PALM2AKAP2: variants seen among roughly 807,000 people sequenced by gnomAD.
PALM2AKAP2 encodes the protein PALM2-AKAP2 fusion protein.
PALM2AKAP2 carries 37 observed loss-of-function variants against 71.5 expected under a neutral mutation model. That is an observed-to-expected ratio of 0.52 (90% CI 0.40 to 0.68). The LOEUF is 0.68. Ranked by LOEUF, PALM2AKAP2 falls within the 30% of genes least tolerant of loss-of-function variation. PALM2AKAP2 has a pLI of 0.00. For synonymous variants in PALM2AKAP2, 468 were observed against 478.8 expected, an observed-to-expected ratio of 0.98 and a Z score of 0.29; for missense variants, 1,224 against 1,191.8, an observed-to-expected ratio of 1.03 and a Z score of -0.40.
intron 1 of PALM2AKAP2, among the ~76,000 whole-genome samples, chr9:110,080,182 C>T (rs1054029069): frequency 5.3e-5 from 8 of 151,870 alleles, no homozygotes; most frequent in East Asian, 1.9e-4. Context: ...AGCTACTACA[C>T]GCTAGGCATA....
chr9:109,835,515 C>A (rs1025943149), intron 1 of PALM2AKAP2, among the ~76,000 whole-genome samples: 13 of 152,046 alleles, frequency 8.6e-5, no homozygotes, highest in Non-Finnish European at 1.8e-4. Context: ...CTCATTGGGG[C>A]TTGTCGGACA....
At chr9:109,675,982 C>T (rs1230548971) in intron 1 of PALM2AKAP2, among the ~76,000 whole-genome samples, 1 of 152,100 alleles carries the variant, frequency 6.6e-6, no homozygotes, top group East Asian at 1.9e-4. Context: ...AATAAAATAT[C>T]GAAAGATACC....
chr9:109,807,015 T>TGGTAATTCAG (rs1349022928), intron 1 of PALM2AKAP2, among the ~76,000 whole-genome samples: 1 of 152,060 alleles, frequency 6.6e-6, no homozygotes, highest in Non-Finnish European at 1.5e-5. Context: ...GAGGATATTG[T>TGGTAATTCAG]GGTAATTCAG....
chr9:109,925,494 T>C (rs1038739138), intron 5 of PALM2AKAP2, among the ~76,000 whole-genome samples: 8 of 152,124 alleles, frequency 5.3e-5, no homozygotes, highest in Non-Finnish European at 5.9e-5. Flanking sequence ...GGGGAAAATA[T>C]TTGGTGTTTG....
At chr9:109,692,024 G>T (rs1827904830) in intron 1 of PALM2AKAP2, among the ~76,000 whole-genome samples, 1 of 144,982 alleles carries the variant, frequency 6.9e-6, no homozygotes, top group Non-Finnish European at 1.5e-5. Flanking sequence ...TTAATGTGCA[G>T]GTTTGATATA....
intron 2 of PALM2AKAP2, among the ~76,000 whole-genome samples, chr9:110,139,834 T>C (rs1175012359): frequency 6.6e-6 from 1 of 152,214 alleles, no homozygotes; most frequent in Non-Finnish European, 1.5e-5. Flanking sequence ...GACTGCTCCC[T>C]AATGTGGGTC....
At chr9:109,885,974 A>G (rs527470978) in intron 3 of PALM2AKAP2, among the ~76,000 whole-genome samples, 5 of 152,250 alleles carry the variant, frequency 3.3e-5, no homozygotes, top group Non-Finnish European at 7.3e-5. Flanking sequence ...CCCGGCTGCC[A>G]CAGTGGAGAA....
chr9:109,915,286 C>T (rs939433057), intron 3 of PALM2AKAP2, among the ~76,000 whole-genome samples: 2 of 152,186 alleles, frequency 1.3e-5, no homozygotes, highest in African/African-American at 4.8e-5. Context: ...TGGAGAAGTT[C>T]AAGAAGGTGT....
chr9:109,929,863 CAAAA>C (rs58029417), intron 5 of PALM2AKAP2, among the ~76,000 whole-genome samples: 8 of 69,412 alleles, frequency 1.2e-4, no homozygotes, highest in Admixed American at 4.9e-4. Context: ...GACTCCATTT[CAAAA>C]AAAAAAAAAA....
intron 2 of PALM2AKAP2, among the ~76,000 whole-genome samples, chr9:109,874,415 C>A (rs1312057765): frequency 6.6e-6 from 1 of 152,224 alleles, no homozygotes; most frequent in East Asian, 1.9e-4. Context: ...CTACAGCTCA[C>A]TCGGTGTGAT....
chr9:110,125,671 C>T (rs1332847768), intron 1 of PALM2AKAP2: 1 of 895,508 alleles, frequency 1.1e-6, no homozygotes, highest in Non-Finnish European at 1.3e-6. Flanking sequence ...TTTTTTGAGG[C>T]CAGTGTCTTT....
At chr9:109,878,157 C>A (rs2131745144) in intron 2 of PALM2AKAP2, among the ~76,000 whole-genome samples, 1 of 152,294 alleles carries the variant, frequency 6.6e-6, no homozygotes, top group South Asian at 2.1e-4. Context: ...CTTTGATAAG[C>A]AACCAACGTA....
chr9:109,894,398 T>C (rs1036919914), intron 3 of PALM2AKAP2, among the ~76,000 whole-genome samples: 1 of 152,154 alleles, frequency 6.6e-6, no homozygotes, highest in Non-Finnish European at 1.5e-5. Flanking sequence ...CCTGCTCAAG[T>C]CCATAAGGGA....
chr9:109,732,362 T>C (rs1290436170), intron 1 of PALM2AKAP2, among the ~76,000 whole-genome samples: 2 of 152,236 alleles, frequency 1.3e-5, no homozygotes, highest in Non-Finnish European at 2.9e-5. Flanking sequence ...TGCATGTTCA[T>C]TATTTATAAT....
intron 1 of PALM2AKAP2, among the ~76,000 whole-genome samples, chr9:109,717,904 A>G (rs1401700553): frequency 6.6e-6 from 1 of 152,256 alleles, no homozygotes; most frequent in Non-Finnish European, 1.5e-5. Flanking sequence ...TAGACATGAA[A>G]GAGAGAAAGT....
intron 2 of PALM2AKAP2, 107 bp from the exon 3 acceptor site, chr9:109,880,444 A>T: frequency 6.7e-7 from 1 of 1,485,896 alleles, no homozygotes; most frequent in Non-Finnish European, 9.1e-7. Context: ...GCAGCGATTC[A>T]GGCAGCGCTG....
chr9:109,873,231 G>C (rs1160774070), intron 2 of PALM2AKAP2, among the ~76,000 whole-genome samples: 1 of 152,194 alleles, frequency 6.6e-6, no homozygotes, highest in Non-Finnish European at 1.5e-5. Context: ...GGGAGGCCAA[G>C]GCGGGCAGAT....
At chr9:109,757,140 T>A (rs922614602) in intron 1 of PALM2AKAP2, among the ~76,000 whole-genome samples, 3 of 152,116 alleles carry the variant, frequency 2.0e-5, no homozygotes, top group African/African-American at 7.2e-5. Context: ...CTTCCCAGCT[T>A]CTAGTAACCA....
At chr9:109,738,743 T>C (rs1401113916) in intron 1 of PALM2AKAP2, among the ~76,000 whole-genome samples, 1 of 152,202 alleles carries the variant, frequency 6.6e-6, no homozygotes, top group Non-Finnish European at 1.5e-5. Flanking sequence ...TGCCCAGAGA[T>C]ACTAAATAAT....
Sources: allele counts gnomAD v4.1 joint callset (sites outside exome capture counted in the v4.1 genomes callset), GRCh38; gene constraint gnomAD v4.1.1; transcripts MANE v1.5; gene names NCBI Gene and HGNC (gene_info 2026-07-23, HGNC 2026-07-21).